ARAP1: variants seen among roughly 807,000 people sequenced by gnomAD.
The protein encoded by ARAP1 is ArfGAP with RhoGAP domain, ankyrin repeat and PH domain 1, also known as arf-GAP with Rho-GAP domain, ANK repeat and PH domain-containing protein 1.
Under a neutral mutation model 172.2 loss-of-function variants are expected in ARAP1, and 76 were observed. The ratio of observed to expected loss-of-function variants is 0.44; its 90% CI spans 0.37 to 0.53. The LOEUF is 0.53. Among genes scored for constraint, ARAP1 ranks in the 20% least tolerant of loss-of-function variants. The pLI is 0.00. For synonymous variants in ARAP1, 804 were observed against 803.3 expected (o/e 1.00, Z -0.01); for missense variants, 1,686 against 1,977.5 (o/e 0.85, Z 2.80).
intron 18 of ARAP1, among the ~76,000 whole-genome samples, chr11:72,698,653 C>T (rs1284834469): frequency 6.6e-6 from 1 of 152,202 alleles, no homozygotes; most frequent in Admixed American, 6.5e-5. Flanking sequence ...CTGCCTCTTC[C>T]CTCCAGCCTC....
intron 3 of ARAP1, chr11:72,721,988 CT>C: frequency 1.0e-6 from 1 of 986,118 alleles, no homozygotes; most frequent in Non-Finnish European, 1.2e-6. Context: ...AGCCTGGCCC[CT>C]GGCCCCTGGG....
At chr11:72,736,945 T>C (rs1170963530) in intron 1 of ARAP1, among the ~76,000 whole-genome samples, 1 of 152,168 alleles carries the variant, frequency 6.6e-6, no homozygotes, top group East Asian at 1.9e-4. Flanking sequence ...CAGTAGGCAC[T>C]GGCCTGGCAA....
At chr11:72,751,866 G>A (rs1186977593) in intron 1 of ARAP1, among the ~76,000 whole-genome samples, 2 of 152,206 alleles carry the variant, frequency 1.3e-5, no homozygotes, top group African/African-American at 4.8e-5. Context: ...CCAGGTAGGG[G>A]CTCTGGGGAA....
At chr11:72,703,181 G>T in intron 14 of ARAP1, 102 bp from the exon 15 acceptor site, 1 of 1,176,532 alleles carries the variant, frequency 8.5e-7, no homozygotes, top group Non-Finnish European at 1.2e-6. Context: ...AGTCACCCAG[G>T]CCTGGAGCAG....
rs774579303 is a variant in ARAP1, at chr11:72,697,645, G to A, written c.2742C>T (p.Ile914=). The A allele has an allele frequency of 1.1e-5, 17 of 1,613,958 alleles. No homozygotes were observed. Among genetic ancestry groups the A allele is most frequent in the Non-Finnish European group, 1.4e-5 (17 of 1,179,978 alleles). ...GCACCTGGTTCTCACTGTCCCCCTG[G>A]ATGGCTGTGGAGGGGTTAGTCAAGG... ...LQLRKLQELS[I]QGDSENQVLV... Residue 914 remains isoleucine (I), a synonymous_variant, in exon 20 of 35, where the codon ATC becomes ATT. Transcript: ENST00000393609.
Position 72,707,187 on chromosome 11 carries a change from T to C in ARAP1, c.1711A>G (p.Lys571Glu). The part of the protein sequence containing the change: ...ASINLCVVIC[K>E]RCAGEHRGLG... Reference sequence around the variant, plus strand: ...CCCATGCACACACCTGCACAGCGCTTGCAGATAACAACACAGAGGTTGATG... The same window carrying C: ...CCCATGCACACACCTGCACAGCGCTCGCAGATAACAACACAGAGGTTGATG... Residue 571 changes from lysine (K) to glutamate (E), a missense_variant, in exon 12 of 35, where the codon AAG becomes GAG. Physicochemically the swap from Lys to Glu is moderately conservative, Grantham distance 56 (BLOSUM62 1). Around this residue, in one of 5 missense-constraint regions of ARAP1, gnomAD observed 688 missense variants for 856.9 expected, o/e 0.80. Coordinates refer to ENST00000393609, the MANE Select transcript of ARAP1 (RefSeq NM_001040118.3). 1 of 1,593,306 alleles carries C rather than the reference T, an allele frequency of 6.3e-7. No homozygotes were observed. Among genetic ancestry groups the C allele is most frequent in the Non-Finnish European group, 8.5e-7 (1 of 1,169,730 alleles).
chr11:72,716,066 A>G (rs59400415), intron 3 of ARAP1, among the ~76,000 whole-genome samples: 68,491 of 150,950 alleles, frequency 0.45, 17,160 homozygotes, highest in African/African-American at 0.67. Context: ...CCAGCTACTC[A>G]GGAGACTGAG....
At chr11:72,734,970 T>C (rs1002327904) in intron 1 of ARAP1, among the ~76,000 whole-genome samples, 1 of 152,174 alleles carries the variant, frequency 6.6e-6, no homozygotes, top group Non-Finnish European at 1.5e-5. Context: ...CTATTCATAC[T>C]GGAGACTGTA....
At chr11:72,705,721 G>C in intron 13 of ARAP1, 84 bp downstream of exon 13, 1 of 1,430,704 alleles carries the variant, frequency 7.0e-7, no homozygotes, top group Non-Finnish European at 9.8e-7. Flanking sequence ...TGTGGTCACT[G>C]AGATAGGGAG....
At chr11:72,709,394 C>T (rs989377673) in intron 11 of ARAP1, among the ~76,000 whole-genome samples, 9 of 152,216 alleles carry the variant, frequency 5.9e-5, no homozygotes, top group African/African-American at 1.7e-4. Flanking sequence ...TCAGAGGTAG[C>T]GGCTGAAGGC....
chr11:72,712,172 C>A (rs976665317), intron 7 of ARAP1, 24 bp downstream of exon 7: 1 of 1,572,868 alleles, frequency 6.4e-7, no homozygotes, highest in Non-Finnish European at 8.6e-7. Context: ...CAGAGCACAG[C>A]AGGACCCAAG....
intron 1 of ARAP1, among the ~76,000 whole-genome samples, chr11:72,739,101 C>T (rs1402225108): frequency 2.6e-5 from 4 of 151,618 alleles, no homozygotes; most frequent in South Asian, 2.1e-4. Flanking sequence ...GTGGCCCCCA[C>T]GCCTCTGCAG....
Position 72,713,175 on chromosome 11 carries a change from C to G in ARAP1, c.747+1G>C, listed in dbSNP as rs746287330. 1 of 1,613,896 alleles carries G rather than the reference C, an allele frequency of 6.2e-7. No individual in the cohort carries two copies. Among genetic ancestry groups the G allele is most frequent in the Non-Finnish European group, 8.5e-7 (1 of 1,179,852 alleles). The stretch of plus-strand genomic sequence containing the variant: ...GCAGACAGTCCCATGCCTGGCCCCA[C>G]CTTCTTGGTCATCACTCTGGCTGGG... On this transcript the variant is annotated splice_donor_variant, in intron 5 of 34. Transcript: ENST00000393609. LOFTEE classifies it high-confidence loss of function.
At position 72,745,346 on chromosome 11, in the gene ARAP1, G is replaced by A. The variant is rs181457466; in HGVS notation, c.-128+6982C>T. On this transcript the variant is annotated intron_variant, in intron 1 of 34. Coordinates refer to ENST00000393609, the MANE Select transcript of ARAP1 (RefSeq NM_001040118.3). The stretch of plus-strand genomic sequence containing the variant: ...TGGGACTACAGGCGCCTGCCACCAC[G>A]TCCGGCTAATTTTTTTTTTTTTTTT... Among the ~76,000 whole-genome samples the A allele has an allele frequency of 1.2e-3, 173 of 146,228 alleles. No homozygotes were observed. The East Asian group carries it at 0.028, about 23-fold the overall frequency.
In ARAP1 at chr11:72,710,177, G is replaced by A. The variant is rs1472767558; in HGVS notation, c.1417-201C>T. On this transcript the variant is annotated intron_variant, in intron 10 of 34. Transcript: ENST00000393609. The surrounding 1 kb of genome is among the most constrained non-coding windows in gnomAD (Gnocchi z 4.3). ...CACAGCAATGAACAGAGGTGCGGGGGAGCAAGGGCCAGGGCAGGGACTGGA... is the reference window on the plus strand; with the variant it reads ...CACAGCAATGAACAGAGGTGCGGGGAAGCAAGGGCCAGGGCAGGGACTGGA... 6.6e-6 allele frequency among the ~76,000 whole-genome samples: 1 copy of A among 151,940 alleles called. No individual in the cohort carries two copies. The highest frequency in any genetic ancestry group is 1.5e-5 in the Non-Finnish European group (1 of 67,976).
intron 1 of ARAP1, among the ~76,000 whole-genome samples, chr11:72,746,982 C>T (rs1858387363): frequency 6.6e-6 from 1 of 152,174 alleles, no homozygotes; most frequent in African/African-American, 2.4e-5. Flanking sequence ...AGTAGGAAAG[C>T]TGGCAGGGGA....
In ARAP1 at chr11:72,695,181, C is replaced by A. The variant is rs968216519; in HGVS notation, c.3577-84G>T. On this transcript the variant is annotated intron_variant, in intron 26 of 34. Transcript: ENST00000393609. This position sits in a 1 kb window ranked among gnomAD's most constrained non-coding sequence, Gnocchi z 4.4. ...CTTGCTATGTGACTCAGAGCCTGAGCCCATCCTTCTCAGGCCCTTCTGGAG... is the reference window on the plus strand; with the variant it reads ...CTTGCTATGTGACTCAGAGCCTGAGACCATCCTTCTCAGGCCCTTCTGGAG... The A allele has an allele frequency of 2.1e-6, 3 of 1,459,282 alleles. No individual in the cohort carries two copies. Among genetic ancestry groups the A allele is most frequent in the Non-Finnish European group, 1.9e-6 (2 of 1,050,944 alleles). 90.4% of individuals were successfully genotyped at this position (1,459,282 alleles called of 1,614,324 possible). A position where few individuals can be genotyped will look rare whatever the true frequency, so the allele number is the denominator to read the frequency against.
rs1378934756 is a variant in ARAP1 at position 72,697,579 on chromosome 11, C to T, written c.2789+19G>A. 1.9e-6 allele frequency: 3 copies of T among 1,614,006 alleles called. No individual in the cohort carries two copies. Among genetic ancestry groups the T allele is most frequent in the Non-Finnish European group, 2.5e-6 (3 of 1,179,896 alleles). Reference sequence around the variant, plus strand: ...CTGCTCCAGCCTTCTCAGAGCCCCTCAGGGAGGCCGTGGCTCACCTCCTTC... The same window carrying T: ...CTGCTCCAGCCTTCTCAGAGCCCCTTAGGGAGGCCGTGGCTCACCTCCTTC... On this transcript the variant is annotated intron_variant, in intron 20 of 34. Transcript: ENST00000393609.
intron 5 of ARAP1, 93 bp from the exon 6 acceptor site, chr11:72,712,661 C>G (rs553731115): frequency 6.3e-7 from 1 of 1,589,058 alleles, no homozygotes. Flanking sequence ...CACACAGCCC[C>G]GACCCACACA....
Sources: allele counts gnomAD v4.1 joint callset (sites outside exome capture counted in the v4.1 genomes callset), GRCh38; gene constraint gnomAD v4.1.1; regional missense constraint gnomAD v4.1.1; non-coding constraint Gnocchi (gnomAD v3.1); transcripts MANE v1.5; gene names NCBI Gene and HGNC (gene_info 2026-07-23, HGNC 2026-07-21).